Variants in GOLGA4 observed in about 807,000 individuals in gnomAD.
GOLGA4 encodes the protein golgin subfamily A member 4.
GOLGA4 carries 169 observed loss-of-function variants against 265.9 expected under a neutral mutation model. The observed-to-expected ratio is 0.64, with a 90% CI of 0.56 to 0.72. The LOEUF (loss-of-function observed/expected upper bound fraction) is 0.72. Among genes scored for constraint, GOLGA4 ranks in the 30% least tolerant of loss-of-function variants. GOLGA4 has a pLI of 0.00. For synonymous variants in GOLGA4, 923 were observed against 855.8 expected (o/e 1.08, Z -1.37); for missense variants, 2,482 against 2,483.4 (o/e 1.00, Z 0.01).
chr3:37,246,104 A>G (rs927752389), intron 1 of GOLGA4, among the ~76,000 whole-genome samples: 4 of 151,900 alleles, frequency 2.6e-5, no homozygotes, highest in Admixed American at 6.6e-5. Context: ...TAATCCCAGC[A>G]CTTTGGGAGG....
intron 2 of GOLGA4, among the ~76,000 whole-genome samples, chr3:37,256,993 T>C (rs1426406009): frequency 6.6e-6 from 1 of 152,080 alleles, no homozygotes; most frequent in African/African-American, 2.4e-5. Context: ...ACATTCCCAG[T>C]GTTGTACATT....
intron 10 of GOLGA4, among the ~76,000 whole-genome samples, chr3:37,309,874 C>G (rs897143037): frequency 2.0e-5 from 3 of 152,222 alleles, no homozygotes; most frequent in South Asian, 2.1e-4. Flanking sequence ...CTCAAGACCC[C>G]AGGATCTTTG....
intron 21 of GOLGA4, among the ~76,000 whole-genome samples, chr3:37,352,905 A>T (rs1455772991): frequency 6.6e-6 from 1 of 152,116 alleles, no homozygotes; most frequent in African/African-American, 2.4e-5. Context: ...GGCTGTCAAA[A>T]TGCCTTTCTC....
intron 20 of GOLGA4, among the ~76,000 whole-genome samples, chr3:37,346,323 A>G (rs967929385): frequency 2.6e-5 from 4 of 152,184 alleles, no homozygotes; most frequent in Non-Finnish European, 5.9e-5. Flanking sequence ...GTTTCCCAGT[A>G]GTAACTGCTG....
Position 37,325,511 on chromosome 3 carries a change from C to T in GOLGA4, c.3625C>T (p.Leu1209=). 1 of 1,613,760 alleles carries T rather than the reference C, an allele frequency of 6.2e-7. No homozygotes were observed. Among genetic ancestry groups the T allele is most frequent in the Non-Finnish European group, 8.5e-7 (1 of 1,179,794 alleles). The change falls in exon 14 of 24, where the codon CTG becomes TTG. Residue 1209 remains leucine (L), a synonymous_variant. Coordinates refer to ENST00000361924, the MANE Select transcript of GOLGA4 (RefSeq NM_002078.5). Reference sequence around the variant, plus strand: ...GGACAAGAGCTTGGAATTTAAAAAACTGTCTGAGGAACTAGCGATTCAGCT... The same window carrying T: ...GGACAAGAGCTTGGAATTTAAAAAATTGTCTGAGGAACTAGCGATTCAGCT... ...LEDKSLEFKK[L]SEELAIQLDI...
chr3:37,247,776 A>T (rs1485021997), intron 1 of GOLGA4, among the ~76,000 whole-genome samples: 3 of 152,180 alleles, frequency 2.0e-5, no homozygotes, highest in Non-Finnish European at 4.4e-5. Context: ...GGTAGAATTC[A>T]GTCCTTTCTG....
At chr3:37,275,510 T>C (rs554344045) in intron 2 of GOLGA4, among the ~76,000 whole-genome samples, 12 of 152,122 alleles carry the variant, frequency 7.9e-5, no homozygotes, top group African/African-American at 2.9e-4. Context: ...ACAGAACATA[T>C]CCAGTGATCT....
In GOLGA4 at chr3:37,326,353, T is replaced by G; in HGVS notation, c.4467T>G (p.Asp1489Glu). ...TAAATTTATTGAAGGAAGAGCTTGA[T>G]CAGCAAAATAAAAGATTTGATTGTT... ...EQINLLKEEL[D>E]QQNKRFDCLK... Residue 1489 changes from aspartate (D) to glutamate (E), a missense_variant, in exon 14 of 24, where the codon GAT becomes GAG. By Grantham distance (45) the Asp-to-Glu change is conservative. Around this residue, in one of 3 missense-constraint regions of GOLGA4, gnomAD observed 942 missense variants for 983.1 expected, o/e 0.96. Transcript: ENST00000361924. 1 of 1,612,680 alleles carries G rather than the reference T, an allele frequency of 6.2e-7. No homozygotes were observed. The highest frequency in any genetic ancestry group is 8.5e-7 in the Non-Finnish European group (1 of 1,179,578).
chr3:37,337,243 AG>A (rs2097017208), intron 18 of GOLGA4, 80 bp downstream of exon 18: 2 of 767,052 alleles, frequency 2.6e-6, no homozygotes, highest in South Asian at 3.2e-5. Context: ...GCTGTTGCCC[AG>A]GCTGGAGTGC....
chr3:37,299,895 A>C (rs2096888326), intron 9 of GOLGA4, among the ~76,000 whole-genome samples: 1 of 151,740 alleles, frequency 6.6e-6, no homozygotes, highest in African/African-American at 2.4e-5. Context: ...ACAAAAAAAA[A>C]AAAAAATTAG....
At chr3:37,331,805 C>T (rs2150987688) in intron 16 of GOLGA4, among the ~76,000 whole-genome samples, 1 of 151,502 alleles carries the variant, frequency 6.6e-6, no homozygotes, top group Admixed American at 6.6e-5. Context: ...CTTTAATTCC[C>T]ACTTCCTGTG....
chr3:37,275,552 T>C (rs3733028), intron 2 of GOLGA4: 378,754 of 979,516 alleles, frequency 0.39, 77,226 homozygotes, highest in African/African-American at 0.44. Flanking sequence ...GGGCTTCGTT[T>C]GTGAGGAAGG....
At chr3:37,305,925 C>G (rs1298764095) in intron 10 of GOLGA4, among the ~76,000 whole-genome samples, 1 of 152,208 alleles carries the variant, frequency 6.6e-6, no homozygotes, top group Non-Finnish European at 1.5e-5. Flanking sequence ...GAAACAGTCT[C>G]TTAAGCTGCT....
At chr3:37,271,090 A>G (rs771390721) in intron 2 of GOLGA4, among the ~76,000 whole-genome samples, 11 of 152,126 alleles carry the variant, frequency 7.2e-5, no homozygotes, top group Non-Finnish European at 1.6e-4. Context: ...CTGATCTGAC[A>G]GTAGACAGAG....
intron 2 of GOLGA4, among the ~76,000 whole-genome samples, chr3:37,266,515 T>G (rs1313460612): frequency 6.6e-6 from 1 of 152,058 alleles, no homozygotes; most frequent in African/African-American, 2.4e-5. Context: ...TGTTGTTAAT[T>G]GGTATTGATT....
intron 21 of GOLGA4, among the ~76,000 whole-genome samples, chr3:37,354,480 G>A (rs1288079917): frequency 1.3e-5 from 2 of 151,854 alleles, no homozygotes; most frequent in East Asian, 1.9e-4. Flanking sequence ...TCTGACTTAC[G>A]GTATATTTAT....
Position 37,281,968 on chromosome 3 carries a change from C to T in GOLGA4, c.173C>T (p.Thr58Ile), listed in dbSNP as rs60600531. The change falls in exon 3 of 24, where the codon ACA becomes ATA. Residue 58 changes from threonine to isoleucine, a missense_variant. By Grantham distance (89) the Thr-to-Ile change is moderately conservative. Around this residue, in one of 3 missense-constraint regions of GOLGA4, gnomAD observed 1,536 missense variants for 1,483.7 expected, o/e 1.04. Coordinates refer to ENST00000361924, the MANE Select transcript of GOLGA4 (RefSeq NM_002078.5). ...EGTPNRESGD[T>I]QSFAQKLQLR... ...GGGTTTTGGTTGCAGTCAGGTGACA[C>T]ACAGTCTTTTGCACAGAAGCTCCAG... 4,696 of 1,611,550 alleles carry T rather than the reference C, an allele frequency of 2.9e-3. 101 individuals carry two copies. In the African/African-American group the frequency reaches 0.053, roughly 18 times the overall value.
intron 7 of GOLGA4, among the ~76,000 whole-genome samples, chr3:37,297,304 A>G (rs879551624): frequency 6.6e-6 from 1 of 152,216 alleles, no homozygotes; most frequent in African/African-American, 2.4e-5. Context: ...CAACCAGACT[A>G]TGGTGGGGTG....
intron 17 of GOLGA4, among the ~76,000 whole-genome samples, chr3:37,335,591 C>T (rs2097008508): frequency 6.6e-6 from 1 of 152,126 alleles, no homozygotes; most frequent in South Asian, 2.1e-4. Context: ...TATAATACAT[C>T]CTTAGTTGTA....
Sources: allele counts gnomAD v4.1 joint callset (sites outside exome capture counted in the v4.1 genomes callset), GRCh38; gene constraint gnomAD v4.1.1; regional missense constraint gnomAD v4.1.1; transcripts MANE v1.5; gene names NCBI Gene and HGNC (gene_info 2026-07-23, HGNC 2026-07-21).